Variants in CCSER2 observed in about 807,000 individuals in gnomAD.
CCSER2 encodes coiled-coil serine rich protein 2, also known as serine-rich coiled-coil domain-containing protein 2.
A neutral mutation model predicts 92.3 loss-of-function variants in CCSER2; 46 were observed. That is an observed-to-expected ratio of 0.50 (90% CI 0.39 to 0.64). The LOEUF (loss-of-function observed/expected upper bound fraction) is 0.64. Ranked by LOEUF, CCSER2 falls within the 30% of genes least tolerant of loss-of-function variation. CCSER2 has a pLI of 0.00. For synonymous variants in CCSER2, 433 were observed against 431.4 expected (o/e 1.00, Z -0.04); for missense variants, 1,244 against 1,238.9 (o/e 1.00, Z -0.06).
chr10:84,334,028 T>A (rs1843708307), intron 1 of CCSER2, among the ~76,000 whole-genome samples: 1 of 151,934 alleles, frequency 6.6e-6, no homozygotes, highest in Admixed American at 6.6e-5. Flanking sequence ...ATTACCAAAA[T>A]GAAAGAGTGG....
At chr10:84,419,364 A>AATAAATAAAATAAAAAT (rs1843027791) in intron 4 of CCSER2, among the ~76,000 whole-genome samples, 4 of 149,990 alleles carry the variant, frequency 2.7e-5, no homozygotes, top group South Asian at 4.2e-4. Context: ...TCAAAAAAAA[A>AATAAATAAAATAAAAAT]AAAATAAAAT....
intron 8 of CCSER2, among the ~76,000 whole-genome samples, chr10:84,475,841 G>A (rs1404934587): frequency 6.6e-6 from 1 of 152,012 alleles, no homozygotes; most frequent in Non-Finnish European, 1.5e-5. Flanking sequence ...GAATTTGGGG[G>A]GTTATTTTGG....
rs1849559086 is a variant in CCSER2, at chr10:84,515,260, G to C, written c.*993G>C. 6.6e-6 allele frequency: 1 copy of C among 152,532 alleles called. No individual in the cohort carries two copies. The highest frequency in any genetic ancestry group is 1.5e-5 in the Non-Finnish European group (1 of 68,018). 9.4% of individuals were successfully genotyped at this position (152,532 alleles called of 1,614,324 possible). On this transcript the variant is annotated 3_prime_UTR_variant, in exon 10 of 10. Transcript: ENST00000372088. The stretch of plus-strand genomic sequence containing the variant: ...ACTTGAAACATTTGCACAAAACTTT[G>C]ATGGGGTATAAATATACCATATATA...
chr10:84,357,574 C>T (rs1201296541), intron 1 of CCSER2, among the ~76,000 whole-genome samples: 12 of 151,986 alleles, frequency 7.9e-5, no homozygotes, highest in African/African-American at 1.7e-4. Flanking sequence ...CTCAGCCTCC[C>T]GAGTAGCTGG....
chr10:84,497,782 G>A (rs1848530055), intron 9 of CCSER2, among the ~76,000 whole-genome samples: 1 of 152,118 alleles, frequency 6.6e-6, no homozygotes, highest in Non-Finnish European at 1.5e-5. Flanking sequence ...TGATCTAGCA[G>A]GAGAGACAAT....
intron 1 of CCSER2, among the ~76,000 whole-genome samples, chr10:84,356,115 A>G (rs1374268990): frequency 6.6e-6 from 1 of 152,028 alleles, no homozygotes; most frequent in East Asian, 1.9e-4. Context: ...AAAAAAAAAA[A>G]AAAAAGGTGT....
chr10:84,500,737 G>A (rs957516287), intron 9 of CCSER2, among the ~76,000 whole-genome samples: 1 of 152,124 alleles, frequency 6.6e-6, no homozygotes, highest in Admixed American at 6.5e-5. Context: ...AAAATGAAGT[G>A]TAAATACAGT....
chr10:84,392,010 C>T (rs1841546652), intron 3 of CCSER2: 2 of 1,304,946 alleles, frequency 1.5e-6, no homozygotes, highest in Middle Eastern at 2.7e-4. Context: ...GTTTCCTCTT[C>T]CCTTAAAAAG....
chr10:84,450,730 G>A lies in CCSER2; in HGVS notation c.2064+12023G>A, dbSNP rs569656896. On this transcript the variant is annotated intron_variant, in intron 6 of 9. Coordinates refer to ENST00000372088, the MANE Select transcript of CCSER2 (RefSeq NM_001284240.2). ...TGTAGAAACCATTTACGTTCTGTGGGAAGACCAAATATTATAAATGCTACA... is the reference window on the plus strand; with the variant it reads ...TGTAGAAACCATTTACGTTCTGTGGAAAGACCAAATATTATAAATGCTACA... Among the ~76,000 whole-genome samples the A allele has an allele frequency of 2.6e-5, 4 of 152,268 alleles. No homozygotes were observed. The South Asian group carries it at 8.3e-4, about 32-fold the overall frequency.
chr10:84,410,406 T>C (rs6585859), intron 3 of CCSER2, among the ~76,000 whole-genome samples: 130,140 of 152,208 alleles, frequency 0.86, 55,715 homozygotes, highest in East Asian at 0.9. Context: ...TCCTTTTTCT[T>C]CACAGCCATA....
At position 84,328,775 on chromosome 10, in the gene CCSER2, G is replaced by C. The variant is rs1002280393; in HGVS notation, c.-73G>C. ...AGGTCGCAGGGCGGCCTGCAGCTGG[G>C]CCGCGGCCGAGGAGGCAGCGCGACC... is the stretch of plus-strand genomic sequence containing the variant. On this transcript the variant is annotated 5_prime_UTR_variant, in exon 1 of 10. Coordinates refer to ENST00000372088, the MANE Select transcript of CCSER2 (RefSeq NM_001284240.2). 5.3e-5 allele frequency: 8 copies of C among 151,562 alleles called. No homozygotes were observed. The highest frequency in any genetic ancestry group is 1.3e-4 in the Admixed American group (2 of 15,206). The allele number at this position is 151,562 out of a possible 1,614,324, so 9.4% of individuals were successfully genotyped here.
In CCSER2 at chr10:84,513,591, G is replaced by A; in HGVS notation, c.2468G>A (p.Ser823Asn). 6.2e-7 allele frequency: 1 copy of A among 1,613,612 alleles called. No individual in the cohort carries two copies. The highest frequency in any genetic ancestry group is 8.5e-7 in the Non-Finnish European group (1 of 1,179,940). The change falls in exon 10 of 10, where the codon AGC becomes AAC. Residue 823 changes from serine (S) to asparagine (N), a missense_variant. Coordinates refer to ENST00000372088, the MANE Select transcript of CCSER2 (RefSeq NM_001284240.2). ...CAGGGCGGTGCACATCCGGAAGAAA[G>A]CTTTACACACGTCTTGCACCAAGAA... Reference protein sequence around the residue: ...MHQGGAHPEESFTHVLHQESN... With the variant: ...MHQGGAHPEENFTHVLHQESN...
intron 6 of CCSER2, chr10:84,454,711 CTT>C (rs1170025609): frequency 5.8e-6 from 1 of 172,860 alleles, no homozygotes; most frequent in African/African-American, 2.4e-5. Flanking sequence ...GTGCTTCTCT[CTT>C]GATTACACCC....
At chr10:84,345,078 C>T (rs1298035705) in intron 1 of CCSER2, among the ~76,000 whole-genome samples, 4 of 151,866 alleles carry the variant, frequency 2.6e-5, no homozygotes, top group Non-Finnish European at 4.4e-5. Flanking sequence ...GTGATATGAT[C>T]GGAATTAGAA....
At chr10:84,491,199 G>T (rs979575985) in intron 9 of CCSER2, among the ~76,000 whole-genome samples, 2 of 152,236 alleles carry the variant, frequency 1.3e-5, no homozygotes, top group Admixed American at 6.5e-5. Flanking sequence ...GGACCCACTT[G>T]AGGAGGCAGT....
At chr10:84,332,343 G>A (rs1037013317) in intron 1 of CCSER2, among the ~76,000 whole-genome samples, 5 of 143,318 alleles carry the variant, frequency 3.5e-5, no homozygotes, top group Non-Finnish European at 6.0e-5. Flanking sequence ...TTAATCTCTT[G>A]AAAAACATTT....
intron 4 of CCSER2, among the ~76,000 whole-genome samples, chr10:84,419,490 C>A (rs1843035998): frequency 1.3e-5 from 2 of 152,160 alleles, no homozygotes; most frequent in Non-Finnish European, 2.9e-5. Flanking sequence ...AAACCTAACA[C>A]CTTTGAGACT....
intron 3 of CCSER2, among the ~76,000 whole-genome samples, chr10:84,378,264 G>T (rs866363374): frequency 8.9e-4 from 128 of 143,682 alleles, no homozygotes; most frequent in Admixed American, 3.4e-3. Context: ...TTGAGATAAT[G>T]AAGTTTTTTT....
chr10:84,421,679 T>C (rs1187904326), intron 4 of CCSER2, among the ~76,000 whole-genome samples: 1 of 152,168 alleles, frequency 6.6e-6, no homozygotes, highest in East Asian at 1.9e-4. Context: ...AAAAGTATGA[T>C]ACTTTTTCTC....
Sources: gnomAD v4.1 joint callset for allele counts (sites outside exome capture counted in the v4.1 genomes callset) on GRCh38, gnomAD v4.1.1 for gene constraint, MANE v1.5 for transcripts, NCBI Gene and HGNC (gene_info 2026-07-23, HGNC 2026-07-21) for gene names.